The following WDPCP variants were observed in gnomAD, a reference collection of about 807,000 sequenced individuals.
WDPCP encodes the protein WD repeat-containing and planar cell polarity effector protein fritz homolog.
In WDPCP, 71 loss-of-function variants were observed where a neutral mutation model predicts 93.1. The ratio of observed to expected loss-of-function variants is 0.76; its 90% CI spans 0.63 to 0.93. The LOEUF is 0.93. WDPCP is among the 40% of genes least tolerant of loss of function. The probability of loss-of-function intolerance (pLI) is 0.00; values close to 1 mark genes in which losing one functional copy is unlikely to be tolerated. For synonymous variants in WDPCP, 315 were observed against 315.0 expected, an observed-to-expected ratio of 1.00 and a Z score of 0.00; for missense variants, 844 against 887.4, an observed-to-expected ratio of 0.95 and a Z score of 0.62.
chr2:63,425,741 C>T (rs1696230455), intron 9 of WDPCP, among the ~76,000 whole-genome samples: 1 of 152,094 alleles, frequency 6.6e-6, no homozygotes, highest in African/African-American at 2.4e-5. Context: ...GAAATCAAAC[C>T]TATGACTCAC....
intron 1 of WDPCP, among the ~76,000 whole-genome samples, chr2:63,583,174 T>G (rs541216172): frequency 6.6e-6 from 1 of 152,314 alleles, no homozygotes; most frequent in African/African-American, 2.4e-5. Flanking sequence ...AATGGTATAA[T>G]ATCACTTGAA....
At chr2:63,434,224 T>C (rs1027028017) in intron 8 of WDPCP, among the ~76,000 whole-genome samples, 2 of 152,156 alleles carry the variant, frequency 1.3e-5, no homozygotes, top group African/African-American at 4.8e-5. Context: ...TGTACAGTCA[T>C]GGTTGCCTGA....
At chr2:63,611,544 A>T (rs1211651890) in intron 3 of WDPCP, among the ~76,000 whole-genome samples, 1 of 152,220 alleles carries the variant, frequency 6.6e-6, no homozygotes, top group East Asian at 1.9e-4. Context: ...ATGTAAGCTT[A>T]AGAATTTGAC....
chr2:63,460,168 T>A (rs1299898450), intron 6 of WDPCP, among the ~76,000 whole-genome samples: 2 of 152,084 alleles, frequency 1.3e-5, no homozygotes, highest in Non-Finnish European at 2.9e-5. Context: ...AATAATGAAA[T>A]CATGCATTTT....
chr2:63,829,501 C>G (rs1292304017), upstream of WDPCP, among the ~76,000 whole-genome samples: 2 of 152,040 alleles, frequency 1.3e-5, no homozygotes, highest in Non-Finnish European at 2.9e-5. Context: ...TAGCTCAGTT[C>G]CAGTACTCTC....
At chr2:63,445,355 C>T (rs549651461) in intron 6 of WDPCP, among the ~76,000 whole-genome samples, 4 of 152,172 alleles carry the variant, frequency 2.6e-5, no homozygotes, top group South Asian at 2.1e-4. Flanking sequence ...AAGATTTGTA[C>T]GGTGTTATTC....
chr2:63,562,170 C>T (rs1429605677), intron 1 of WDPCP, among the ~76,000 whole-genome samples: 1 of 152,136 alleles, frequency 6.6e-6, no homozygotes, highest in African/African-American at 2.4e-5. Flanking sequence ...CACATGTATG[C>T]CAGGAATAGC....
chr2:63,197,506 A>G (rs1037246302), intron 14 of WDPCP, among the ~76,000 whole-genome samples: 5 of 152,204 alleles, frequency 3.3e-5, no homozygotes, highest in Non-Finnish European at 5.9e-5. Flanking sequence ...ATTTGGCAGT[A>G]TTAATAAGAA....
At chr2:63,320,104 T>C (rs1208668920) in intron 12 of WDPCP, among the ~76,000 whole-genome samples, 1 of 152,162 alleles carries the variant, frequency 6.6e-6, no homozygotes, top group South Asian at 2.1e-4. Context: ...AGGTTAAAAA[T>C]TGATAAACTA....
intron 14 of WDPCP, among the ~76,000 whole-genome samples, chr2:63,219,917 G>A (rs973612805): frequency 6.6e-6 from 1 of 151,960 alleles, no homozygotes; most frequent in Non-Finnish European, 1.5e-5. Flanking sequence ...CAGAAGAATC[G>A]CTTGAACCCA....
intron 2 of WDPCP, among the ~76,000 whole-genome samples, chr2:63,803,874 G>C (rs1670727433): frequency 6.6e-6 from 1 of 152,130 alleles, no homozygotes; most frequent in Non-Finnish European, 1.5e-5. Flanking sequence ...TTTAGTTTTA[G>C]ATATGTACTT....
chr2:63,652,271 G>A (rs1710118366), intron 2 of WDPCP, among the ~76,000 whole-genome samples: 1 of 152,220 alleles, frequency 6.6e-6, no homozygotes, highest in South Asian at 2.1e-4. Context: ...GGAGGCTTGT[G>A]TATGGCTTCC....
At chr2:63,742,478 C>T (rs1279198139) in intron 2 of WDPCP, among the ~76,000 whole-genome samples, 1 of 151,630 alleles carries the variant, frequency 6.6e-6, no homozygotes, top group Non-Finnish European at 1.5e-5. Flanking sequence ...CCAGGGATCA[C>T]TTTGGGATGG....
chr2:63,431,177 G>C (rs1696732510), intron 9 of WDPCP, among the ~76,000 whole-genome samples: 1 of 151,630 alleles, frequency 6.6e-6, no homozygotes, highest in South Asian at 2.1e-4. Flanking sequence ...TAAGTTTGCT[G>C]TATAGCAGTG....
At chr2:63,563,467 T>C (rs937499026) in intron 1 of WDPCP, among the ~76,000 whole-genome samples, 1 of 151,908 alleles carries the variant, frequency 6.6e-6, no homozygotes, top group Non-Finnish European at 1.5e-5. Flanking sequence ...AAGCCACATA[T>C]TGTATAATTT....
chr2:63,181,799 T>C (rs1277141249), intron 14 of WDPCP, among the ~76,000 whole-genome samples: 3 of 152,072 alleles, frequency 2.0e-5, no homozygotes, highest in African/African-American at 7.2e-5. Context: ...ATGATATTGA[T>C]TTTTGTGATC....
At chr2:63,739,647 T>A (rs1397653058) in intron 2 of WDPCP, among the ~76,000 whole-genome samples, 1 of 151,932 alleles carries the variant, frequency 6.6e-6, no homozygotes, top group Non-Finnish European at 1.5e-5. Flanking sequence ...TGGAAAGCAG[T>A]GTGGTGATTC....
chr2:63,462,738 G>A (rs1699102445), intron 6 of WDPCP, among the ~76,000 whole-genome samples: 1 of 152,012 alleles, frequency 6.6e-6, no homozygotes, highest in Non-Finnish European at 1.5e-5. Flanking sequence ...GGATATGGGG[G>A]GAAAGAAGGA....
chr2:63,243,750 AAT>A (rs1456438396), intron 14 of WDPCP, among the ~76,000 whole-genome samples: 1 of 152,142 alleles, frequency 6.6e-6, no homozygotes, highest in African/African-American at 2.4e-5. Flanking sequence ...ACAGCTGTAC[AAT>A]AATAATGGGG....
Sources: allele counts gnomAD v4.1 joint callset (sites outside exome capture counted in the v4.1 genomes callset), GRCh38; gene constraint gnomAD v4.1.1; transcripts MANE v1.5; gene names NCBI Gene and HGNC (gene_info 2026-07-23, HGNC 2026-07-21).